GPM6A: variants seen among roughly 807,000 people sequenced by gnomAD.
The protein encoded by GPM6A is neuronal membrane glycoprotein M6-a.
Under a neutral mutation model 32.1 loss-of-function variants are expected in GPM6A, and 7 were observed. That is an observed-to-expected ratio of 0.22 (90% CI 0.12 to 0.41). GPM6A has a LOEUF of 0.41. Ranked by LOEUF, GPM6A falls within the 10% of genes least tolerant of loss-of-function variation. GPM6A has a pLI of 1.00. For missense variants in GPM6A, 235 were observed against 347.2 expected (o/e 0.68, Z 2.57); for synonymous variants, 130 against 123.4 (o/e 1.05, Z -0.35).
intron 1 of GPM6A, 77 bp from the exon 2 acceptor site, chr4:175,701,844 T>C: frequency 1.0e-6 from 1 of 993,682 alleles, no homozygotes; most frequent in Non-Finnish European, 1.5e-6. Context: ...TTCAGCACTA[T>C]GGGAAAGTAT....
At chr4:175,734,985 A>G (rs1362394176) in intron 1 of GPM6A, among the ~76,000 whole-genome samples, 1 of 152,248 alleles carries the variant, frequency 6.6e-6, no homozygotes, top group Non-Finnish European at 1.5e-5. Context: ...ACAATGAACA[A>G]TTATTGAATG....
At chr4:175,835,809 C>T (rs1339456970) in intron 1 of GPM6A, among the ~76,000 whole-genome samples, 1 of 146,592 alleles carries the variant, frequency 6.8e-6, no homozygotes, top group African/African-American at 2.5e-5. Flanking sequence ...CTTTATAAAC[C>T]TGTTATATAT....
intron 5 of GPM6A, 132 bp downstream of exon 5, chr4:175,640,615 ATAACAC>A: frequency 1.5e-6 from 1 of 666,898 alleles, no homozygotes; most frequent in South Asian, 1.7e-5. Flanking sequence ...CTCCTCCTGA[ATAACAC>A]TACTTCAGGT....
intron 1 of GPM6A, chr4:175,811,927 A>G: frequency 3.2e-6 from 1 of 311,882 alleles, no homozygotes; most frequent in Non-Finnish European, 5.8e-6. Flanking sequence ...AGACTGGTCT[A>G]AGGAATAGTT....
intron 1 of GPM6A, among the ~76,000 whole-genome samples, chr4:175,824,129 C>T (rs1256201205): frequency 6.6e-6 from 1 of 152,172 alleles, no homozygotes; most frequent in Non-Finnish European, 1.5e-5. Context: ...AAAACATTTT[C>T]TCAAGGATGT....
At chr4:175,924,332 T>C (rs1228597024) in intron 1 of GPM6A, among the ~76,000 whole-genome samples, 1 of 152,142 alleles carries the variant, frequency 6.6e-6, no homozygotes, top group East Asian at 1.9e-4. Flanking sequence ...CAGACCAAAG[T>C]GGCAGTGAGA....
In GPM6A at chr4:175,951,394, G is replaced by A. The variant is rs371649864; in HGVS notation, c.-23+50915C>T. On this transcript the variant is annotated intron_variant, in intron 1 of 7. Transcript: ENST00000280187. The stretch of plus-strand genomic sequence containing the variant: ...ATATTGATTCCCATGATGTCCATAT[G>A]ATTAGGCCATGAACAGACAGAAAAG... Among the ~76,000 whole-genome samples, 32 of 152,300 alleles carry A rather than the reference G, an allele frequency of 2.1e-4. No homozygotes were observed. The East Asian group carries it at 2.7e-3, about 13-fold the overall frequency.
chr4:175,803,803 T>C (rs1353002381), intron 1 of GPM6A, among the ~76,000 whole-genome samples: 1 of 152,132 alleles, frequency 6.6e-6, no homozygotes, highest in Admixed American at 6.5e-5. Flanking sequence ...CTGGCCCTTA[T>C]ACATATTTAA....
chr4:175,874,054 A>G (rs1737001783), intron 1 of GPM6A, among the ~76,000 whole-genome samples: 2 of 152,168 alleles, frequency 1.3e-5, no homozygotes, highest in Non-Finnish European at 2.9e-5. Flanking sequence ...AGAAAAATAC[A>G]TGACTAGCTA....
intron 1 of GPM6A, among the ~76,000 whole-genome samples, chr4:175,921,012 AT>A (rs1406113746): frequency 6.6e-6 from 1 of 152,174 alleles, no homozygotes; most frequent in African/African-American, 2.4e-5. Flanking sequence ...TAGTAGTAGT[AT>A]ATTTATAAAT....
intron 1 of GPM6A, among the ~76,000 whole-genome samples, chr4:175,804,412 G>A (rs946376896): frequency 3.3e-5 from 5 of 152,092 alleles, no homozygotes; most frequent in Non-Finnish European, 7.4e-5. Flanking sequence ...TTTGTTACAT[G>A]ACAATTCTTT....
At chr4:175,750,013 A>G (rs1054736075) in intron 1 of GPM6A, among the ~76,000 whole-genome samples, 3 of 152,026 alleles carry the variant, frequency 2.0e-5, no homozygotes, top group African/African-American at 7.2e-5. Flanking sequence ...CAGATTCCAC[A>G]ACTGCATTCT....
At chr4:175,881,079 T>C (rs1737258785) in intron 1 of GPM6A, among the ~76,000 whole-genome samples, 1 of 151,998 alleles carries the variant, frequency 6.6e-6, no homozygotes, top group Admixed American at 6.6e-5. Context: ...GGAGAAAAGT[T>C]TTGCAATCTA....
At chr4:175,945,911 C>G (rs138542772) in intron 1 of GPM6A, among the ~76,000 whole-genome samples, 1 of 151,506 alleles carries the variant, frequency 6.6e-6, no homozygotes, top group Non-Finnish European at 1.5e-5. Context: ...CTAAGTAATA[C>G]GGGTGCATAT....
intron 1 of GPM6A, among the ~76,000 whole-genome samples, chr4:175,889,629 C>T (rs1011710821): frequency 1.3e-5 from 2 of 151,932 alleles, no homozygotes; most frequent in South Asian, 4.2e-4. Context: ...TTGGCTAACC[C>T]GGTGAAACCC....
intron 1 of GPM6A, among the ~76,000 whole-genome samples, chr4:175,721,165 ATTT>A (rs1553981546): frequency 6.9e-6 from 1 of 145,314 alleles, no homozygotes. Flanking sequence ...ATATATATAT[ATTT>A]TCTATTTTTA....
chr4:175,931,709 C>T (rs200582939), intron 1 of GPM6A, among the ~76,000 whole-genome samples: 19,336 of 127,956 alleles, frequency 0.15, 1,429 homozygotes, highest in South Asian at 0.28. Flanking sequence ...CACACACACA[C>T]ATATATATAT....
At chr4:175,652,067 A>G (rs1741841435) in intron 3 of GPM6A, 80 bp from the exon 4 acceptor site, 2 of 1,081,624 alleles carry the variant, frequency 1.8e-6, no homozygotes, top group South Asian at 3.1e-5. Context: ...GCAAAGCTCC[A>G]TTATAGGAAG....
chr4:175,841,565 A>T (rs1735935673), intron 1 of GPM6A, among the ~76,000 whole-genome samples: 1 of 152,196 alleles, frequency 6.6e-6, no homozygotes. Flanking sequence ...ACCTACTTGA[A>T]AATCTTATTT....
Sources: allele counts gnomAD v4.1 joint callset (sites outside exome capture counted in the v4.1 genomes callset), GRCh38; gene constraint gnomAD v4.1.1; transcripts MANE v1.5; gene names NCBI Gene and HGNC (gene_info 2026-07-23, HGNC 2026-07-21).